CHST11: variants seen among roughly 807,000 people sequenced by gnomAD.
The protein encoded by CHST11 is C4S-1.
CHST11 carries 9 observed loss-of-function variants against 30.4 expected under a neutral mutation model. The observed-to-expected ratio is 0.30, with a 90% CI of 0.18 to 0.52. The LOEUF is 0.52. Among genes scored for constraint, CHST11 ranks in the 20% least tolerant of loss-of-function variants. The pLI is 0.97. For synonymous variants in CHST11, 152 were observed against 187.8 expected, an observed-to-expected ratio of 0.81 and a Z score of 1.56; for missense variants, 348 against 460.6, an observed-to-expected ratio of 0.76 and a Z score of 2.24.
chr12:104,740,817 G>C (rs1384345152), intron 2 of CHST11, among the ~76,000 whole-genome samples: 1 of 152,202 alleles, frequency 6.6e-6, no homozygotes. Flanking sequence ...CCTCGGCCAT[G>C]GCCTAAGAAG....
chr12:104,758,772 T>G lies in CHST11; in HGVS notation c.*969T>G, dbSNP rs181825011. 2.6e-5 allele frequency: 4 copies of G among 152,254 alleles called. No homozygotes were observed. Among genetic ancestry groups the G allele is most frequent in the African/African-American group, 7.2e-5 (3 of 41,544 alleles). 9.4% of individuals were successfully genotyped at this position (152,254 alleles called of 1,614,324 possible). A position where few individuals can be genotyped will look rare whatever the true frequency, so the allele number is the denominator to read the frequency against. On this transcript the variant is annotated 3_prime_UTR_variant, in exon 3 of 3. Coordinates refer to ENST00000303694, the MANE Select transcript of CHST11 (RefSeq NM_018413.6). ...CAAATTTACATTTTTCTATGGCCCATATTTGAAAACCTCACATTCGGAGCA... is the reference window on the plus strand; with the variant it reads ...CAAATTTACATTTTTCTATGGCCCAGATTTGAAAACCTCACATTCGGAGCA...
chr12:104,594,733 G>C (rs1464367909), intron 1 of CHST11, among the ~76,000 whole-genome samples: 2 of 152,176 alleles, frequency 1.3e-5, no homozygotes. Context: ...AAGGTGGGAG[G>C]ATTGCTTGAA....
chr12:104,615,300 C>T (rs539329552), intron 2 of CHST11, among the ~76,000 whole-genome samples: 6 of 152,338 alleles, frequency 3.9e-5, no homozygotes, highest in Non-Finnish European at 7.3e-5. Context: ...ATCGCTCTGG[C>T]CATCTGTTTT....
intron 2 of CHST11, among the ~76,000 whole-genome samples, chr12:104,659,574 C>A (rs1253896160): frequency 2.0e-5 from 3 of 151,828 alleles, no homozygotes; most frequent in African/African-American, 7.3e-5. Context: ...AGAATAAGTA[C>A]CAAAAAATGT....
At chr12:104,514,037 C>G (rs2037996181) in intron 1 of CHST11, 2 of 870,908 alleles carry the variant, frequency 2.3e-6, no homozygotes, top group Admixed American at 3.4e-5. Flanking sequence ...AAATGCAGAC[C>G]CCCGGGGCAC....
intron 2 of CHST11, among the ~76,000 whole-genome samples, chr12:104,683,787 GGATGAA>G (rs2039819999): frequency 1.3e-5 from 2 of 152,182 alleles, no homozygotes; most frequent in African/African-American, 4.8e-5. Flanking sequence ...ACATCTACCA[GGATGAA>G]TGAAGGAATC....
At chr12:104,597,127 CAGTT>C (rs1368156673) in intron 1 of CHST11, among the ~76,000 whole-genome samples, 2 of 152,150 alleles carry the variant, frequency 1.3e-5, no homozygotes, top group Non-Finnish European at 2.9e-5. Flanking sequence ...GGGCTGCTCT[CAGTT>C]AGCAGACTGG....
intron 1 of CHST11, among the ~76,000 whole-genome samples, chr12:104,580,173 G>A (rs1451550625): frequency 6.6e-6 from 1 of 152,214 alleles, no homozygotes; most frequent in Non-Finnish European, 1.5e-5. Context: ...TACATTTGGG[G>A]AATGGGGGAT....
chr12:104,488,740 C>CGT (rs56383997), intron 1 of CHST11, among the ~76,000 whole-genome samples: 8,766 of 145,710 alleles, frequency 0.06, 299 homozygotes, highest in Admixed American at 0.1. Context: ...TATGTGTACG[C>CGT]GTGTGTGTGT....
intron 2 of CHST11, among the ~76,000 whole-genome samples, chr12:104,721,713 A>T (rs1413468103): frequency 6.6e-6 from 1 of 152,178 alleles, no homozygotes; most frequent in Non-Finnish European, 1.5e-5. Context: ...CAACCAGCAT[A>T]GAAAAAAAAA....
chr12:104,646,848 CATTT>C (rs2039437907), intron 2 of CHST11, among the ~76,000 whole-genome samples: 1 of 152,206 alleles, frequency 6.6e-6, no homozygotes, highest in South Asian at 2.1e-4. Flanking sequence ...TTCATCCATT[CATTT>C]ACTCAATCAT....
intron 1 of CHST11, among the ~76,000 whole-genome samples, chr12:104,590,897 G>C (rs977267606): frequency 1.1e-4 from 17 of 152,112 alleles, no homozygotes; most frequent in African/African-American, 3.9e-4. Context: ...ACTCCAGCCT[G>C]GGTGAGAGAA....
chr12:104,654,432 G>A (rs1031849718), intron 2 of CHST11, among the ~76,000 whole-genome samples: 3 of 152,170 alleles, frequency 2.0e-5, no homozygotes, highest in Non-Finnish European at 4.4e-5. Context: ...CATGGACACA[G>A]TAGGAAGTGA....
Position 104,457,264 on chromosome 12 carries a change from C to A in CHST11, c.-148C>A. 1.7e-6 allele frequency: 1 copy of A among 589,162 alleles called. No homozygotes were observed. Among genetic ancestry groups the A allele is most frequent in the South Asian group, 2.0e-5 (1 of 48,870 alleles). 36.5% of individuals were successfully genotyped at this position (589,162 alleles called of 1,614,324 possible). On this transcript the variant is annotated 5_prime_UTR_variant, in exon 1 of 3. Transcript: ENST00000303694. ...CTGCCCGGGCTGGGGGCTCCGAGAG[C>A]GGCCGCGAAGCGACTCCGATCCTCC...
intron 2 of CHST11, among the ~76,000 whole-genome samples, chr12:104,721,261 G>A (rs1384826259): frequency 1.3e-5 from 2 of 152,112 alleles, no homozygotes; most frequent in African/African-American, 4.8e-5. Flanking sequence ...CTCTGGTGGG[G>A]CTTATCTCTG....
chr12:104,712,946 G>A (rs1359813079), intron 2 of CHST11, among the ~76,000 whole-genome samples: 2 of 152,036 alleles, frequency 1.3e-5, no homozygotes, highest in East Asian at 3.9e-4. Flanking sequence ...CTATTGTTCT[G>A]TGCAAGCAAA....
intron 2 of CHST11, among the ~76,000 whole-genome samples, chr12:104,640,723 T>C (rs898701625): frequency 2.0e-5 from 3 of 152,288 alleles, no homozygotes; most frequent in African/African-American, 7.2e-5. Context: ...AACTATGGAC[T>C]TCAATTAATA....
rs539728304 is a variant in CHST11 at position 104,540,015 on chromosome 12, G to C, written c.119-61891G>C. 2.0e-5 allele frequency among the ~76,000 whole-genome samples: 3 copies of C among 152,214 alleles called. No homozygotes were observed. The East Asian group carries it at 5.8e-4, about 29-fold the overall frequency. On this transcript the variant is annotated intron_variant, in intron 1 of 2. Coordinates refer to ENST00000303694, the MANE Select transcript of CHST11 (RefSeq NM_018413.6). Reference sequence around the variant, plus strand: ...GTATTTATTTGCATATAACCTATGTGCCTCCTCCCATATACTTTACTCTCT... The same window carrying C: ...GTATTTATTTGCATATAACCTATGTCCCTCCTCCCATATACTTTACTCTCT...
intron 1 of CHST11, among the ~76,000 whole-genome samples, chr12:104,485,823 A>T (rs1169602337): frequency 6.6e-6 from 1 of 152,184 alleles, no homozygotes; most frequent in Non-Finnish European, 1.5e-5. Flanking sequence ...CAGACCTCCT[A>T]CCACAGACTT....
Sources: gnomAD v4.1 joint callset for allele counts (sites outside exome capture counted in the v4.1 genomes callset) on GRCh38, gnomAD v4.1.1 for gene constraint, MANE v1.5 for transcripts, NCBI Gene and HGNC (gene_info 2026-07-23, HGNC 2026-07-21) for gene names.